Variants in FCRL5 observed in about 807,000 individuals in gnomAD.
FCRL5 encodes Fc receptor like 5, also known as Fc receptor-like protein 5.
In FCRL5, 79 loss-of-function variants were observed where a neutral mutation model predicts 92.1. The observed-to-expected ratio is 0.86, with a 90% CI of 0.72 to 1.03. The LOEUF is 1.03. FCRL5 is among the 50% of genes least tolerant of loss of function. The pLI, the probability that FCRL5 is intolerant of heterozygous loss-of-function variation, is 0.00. For missense variants in FCRL5, 1,160 were observed against 1,181.1 expected (o/e 0.98, Z 0.26); for synonymous variants, 466 against 469.3 (o/e 0.99, Z 0.09).
chr1:157,547,539 C>A, intron 2 of FCRL5: 1 of 369,570 alleles, frequency 2.7e-6, no homozygotes, highest in Non-Finnish European at 5.1e-6. Flanking sequence ...ATAAGAAACT[C>A]CAAAGGTTAT....
rs150471028 is a variant in FCRL5, at chr1:157,544,364, T to C, written c.742A>G (p.Thr248Ala). The change falls in exon 5 of 17, where the codon ACT becomes GCT. Residue 248 changes from threonine to alanine, a missense_variant. Transcript: ENST00000361835. Reference protein sequence around the residue: ...GWSLSPNFQITAMWSKDSGFY... With the variant: ...GWSLSPNFQIAAMWSKDSGFY... ...CCTGAATCTTTACTCCACATGGCAG[T>C]AATCTGGAAATTCGGGGAGAGACTC... 843 of 1,614,214 alleles carry C rather than the reference T, an allele frequency of 5.2e-4. 4 individuals are homozygous for C. Among genetic ancestry groups the C allele is most frequent in the South Asian group, 3.7e-3 (334 of 91,086 alleles).
intron 15 of FCRL5, 59 bp from the exon 16 acceptor site, chr1:157,515,932 C>T (rs1037792405): frequency 1.9e-6 from 3 of 1,593,282 alleles, no homozygotes; most frequent in Middle Eastern, 4.4e-4. Flanking sequence ...TTCCCTTGTG[C>T]CTGCGCTGTG....
Position 157,521,301 on chromosome 1 carries a change from G to C in FCRL5, c.2240-9C>G. ...CGGGCGAGACACCGGAACTGAAAGA[G>C]AACAAAAAGTCAACAGCAGTTTCTG... On this transcript the variant is annotated splice_polypyrimidine_tract_variant and intron_variant, in intron 10 of 16. Transcript: ENST00000361835. The C allele has an allele frequency of 1.3e-6, 2 of 1,583,718 alleles. No individual in the cohort carries two copies. The highest frequency in any genetic ancestry group is 2.3e-5 in the South Asian group (2 of 87,292).
chr1:157,538,814 C>T (rs1393312094), intron 7 of FCRL5, among the ~76,000 whole-genome samples: 1 of 152,078 alleles, frequency 6.6e-6, no homozygotes, highest in African/African-American at 2.4e-5. Flanking sequence ...AAGTGGAGAG[C>T]ACAAGAAAAG....
chr1:157,521,205 A>G lies in FCRL5; in HGVS notation c.2327T>C (p.Leu776Pro), dbSNP rs754619528. 1.2e-5 allele frequency: 20 copies of G among 1,614,010 alleles called. 1 individual carries two copies. In the South Asian group the frequency reaches 2.0e-4, roughly 16 times the overall value. The stretch of plus-strand genomic sequence containing the variant: ...GTACAGGATCAGGGGAGAGCCTCTC[A>G]GGGCCTCACAGTGAAGCTCCAGCAG... ...GDLLELHCEA[L>P]RGSPLILYRF... The change falls in exon 11 of 17, where the codon CTG (leucine) becomes CCG (proline). Residue 776 changes from leucine to proline, a missense_variant. Physicochemically the swap from Leu to Pro is moderately conservative, Grantham distance 98 (BLOSUM62 -3). Coordinates refer to ENST00000361835, the MANE Select transcript of FCRL5 (RefSeq NM_031281.3).
Position 157,518,473 on chromosome 1 carries a change from A to G in FCRL5, c.2768T>C (p.Val923Ala). 6.2e-7 allele frequency: 1 copy of G among 1,614,104 alleles called. No homozygotes were observed. The highest frequency in any genetic ancestry group is 1.1e-5 in the South Asian group (1 of 91,072). Reference protein sequence around the residue: ...TNANPRGENVVYSEVRIIQEK... With the variant: ...TNANPRGENVAYSEVRIIQEK... ...TTGGATGATCCGTACTTCTGAGTAA[A>G]CCACATTTTCTCCTCTAGGATTTGC... The change falls in exon 15 of 17, where the codon GTT (valine) becomes GCT (alanine). Residue 923 changes from valine to alanine, a missense_variant. Transcript: ENST00000361835.
At chr1:157,517,874 G>A (rs1040694954) in intron 15 of FCRL5, among the ~76,000 whole-genome samples, 1 of 152,058 alleles carries the variant, frequency 6.6e-6, no homozygotes, top group Non-Finnish European at 1.5e-5. Context: ...GGAGCCTTTG[G>A]GTGACAATTA....
chr1:157,545,830 G>A (rs1398132395), intron 3 of FCRL5, among the ~76,000 whole-genome samples: 4 of 152,112 alleles, frequency 2.6e-5, no homozygotes, highest in Non-Finnish European at 5.9e-5. Context: ...GCCTGGCCAG[G>A]TATTCTTTTT....
intron 10 of FCRL5, chr1:157,523,910 G>A: frequency 3.1e-6 from 1 of 324,794 alleles, no homozygotes; most frequent in Non-Finnish European, 5.6e-6. Flanking sequence ...AAGTCAATGA[G>A]AGAAGAATCC....
intron 9 of FCRL5, among the ~76,000 whole-genome samples, chr1:157,526,439 A>G (rs1013273237): frequency 3.3e-5 from 5 of 152,166 alleles, no homozygotes; most frequent in Non-Finnish European, 7.3e-5. Context: ...ATGGAGGTAT[A>G]AGTGGGACCA....
At chr1:157,547,480 C>G (rs1467602935) in intron 2 of FCRL5, 10 of 574,472 alleles carry the variant, frequency 1.7e-5, no homozygotes, top group Admixed American at 1.2e-4. Context: ...GGAAGTGGGT[C>G]CCAGAGAAAA....
At chr1:157,520,987 G>A (rs771667658) in intron 11 of FCRL5, 30 bp downstream of exon 11, 1 of 1,571,642 alleles carries the variant, frequency 6.4e-7, no homozygotes, top group Non-Finnish European at 8.6e-7. Flanking sequence ...CATTTTGTCC[G>A]CATCTGTGGC....
At chr1:157,530,340 A>G (rs1650640791) in intron 8 of FCRL5, among the ~76,000 whole-genome samples, 1 of 152,216 alleles carries the variant, frequency 6.6e-6, no homozygotes, top group African/African-American at 2.4e-5. Context: ...TTACAACTTG[A>G]TAATTTTGGA....
chr1:157,550,442 A>G (rs1177078281), intron 1 of FCRL5, among the ~76,000 whole-genome samples: 2 of 152,180 alleles, frequency 1.3e-5, no homozygotes, highest in Non-Finnish European at 2.9e-5. Flanking sequence ...AGATCATTGA[A>G]TCCAAGGGCT....
chr1:157,524,816 T>G (rs1571081402), intron 9 of FCRL5, among the ~76,000 whole-genome samples: 1 of 152,284 alleles, frequency 6.6e-6, no homozygotes, highest in East Asian at 1.9e-4. Context: ...TCAGGTGTCT[T>G]AGAGGTAAAA....
chr1:157,520,423 T>A lies in FCRL5; in HGVS notation c.2632+8A>T, dbSNP rs1348737459. On this transcript the variant is annotated splice_region_variant and intron_variant, in intron 12 of 16. Coordinates refer to ENST00000361835, the MANE Select transcript of FCRL5 (RefSeq NM_031281.3). ...AACTCAAGCCAAGGTGTGCCCAGAG[T>A]CACCCACCTGCTTTTCTCGAGAGCC... 4 of 1,566,232 alleles carry A rather than the reference T, an allele frequency of 2.6e-6. No individual in the cohort carries two copies. The Admixed American group carries it at 7.3e-5, about 29-fold the overall frequency.
intron 4 of FCRL5, 103 bp downstream of exon 4, chr1:157,544,728 G>C: frequency 6.7e-7 from 1 of 1,502,620 alleles, no homozygotes; most frequent in Non-Finnish European, 9.2e-7. Context: ...GTGTCCTGTG[G>C]TTTAGTGGTA....
intron 8 of FCRL5, among the ~76,000 whole-genome samples, chr1:157,528,981 G>A (rs1249135850): frequency 1.3e-5 from 2 of 152,298 alleles, no homozygotes; most frequent in East Asian, 3.9e-4. Flanking sequence ...AAATTTAAAA[G>A]CTTCTGCACA....
rs374826929 is a variant in FCRL5, at chr1:157,549,231, A to G, written c.52+329T>C. 3.5e-5 allele frequency among the ~76,000 whole-genome samples: 5 copies of G among 143,454 alleles called. No homozygotes were observed. The East Asian group carries it at 1.0e-3, about 30-fold the overall frequency. 94.1% of individuals were successfully genotyped at this position (143,454 alleles called of 152,430 possible). A position where few individuals can be genotyped will look rare whatever the true frequency, so the allele number is the denominator to read the frequency against. On this transcript the variant is annotated intron_variant, in intron 2 of 16. Transcript: ENST00000361835. ...GTTCTCACTCATAGGTGGGAATTGA[A>G]CAATGAGAACACTTGGACACAGGAA...
Sources: gnomAD v4.1 joint callset for allele counts (sites outside exome capture counted in the v4.1 genomes callset) on GRCh38, gnomAD v4.1.1 for gene constraint, MANE v1.5 for transcripts, NCBI Gene and HGNC (gene_info 2026-07-23, HGNC 2026-07-21) for gene names.